Variants in SEC23IP observed in about 807,000 individuals in gnomAD.
The protein encoded by SEC23IP is SEC23-interacting protein.
SEC23IP carries 70 observed loss-of-function variants against 113.4 expected under a neutral mutation model. The ratio of observed to expected loss-of-function variants is 0.62; its 90% confidence interval spans 0.51 to 0.75. The LOEUF is 0.75. Ranked by LOEUF, SEC23IP falls within the 30% of genes least tolerant of loss-of-function variation. The pLI is 0.00. For synonymous variants in SEC23IP, 398 were observed against 421.0 expected (o/e 0.95, Z 0.67); for missense variants, 1,160 against 1,204.9 (o/e 0.96, Z 0.55).
intron 18 of SEC23IP, among the ~76,000 whole-genome samples, chr10:119,936,718 G>T (rs1420023432): frequency 6.6e-6 from 1 of 151,926 alleles, no homozygotes; most frequent in Non-Finnish European, 1.5e-5. Flanking sequence ...TTGATAGCCA[G>T]AAATAGTTAT....
intron 8 of SEC23IP, 135 bp from the exon 9 acceptor site, chr10:119,917,701 C>A (rs539588031): frequency 2.4e-3 from 1,522 of 643,238 alleles, no homozygotes; most frequent in Non-Finnish European, 3.2e-3. Flanking sequence ...TTTATAATGA[C>A]TATCTACAGA....
At chr10:119,906,179 G>A (rs1469090494) in intron 4 of SEC23IP, among the ~76,000 whole-genome samples, 2 of 151,542 alleles carry the variant, frequency 1.3e-5, no homozygotes, top group South Asian at 4.2e-4. Flanking sequence ...CTACTCAGGA[G>A]GCAGAGGCAG....
intron 1 of SEC23IP, chr10:119,898,106 A>G (rs1331891572): frequency 5.5e-6 from 1 of 180,308 alleles, no homozygotes; most frequent in Non-Finnish European, 1.1e-5. Context: ...ATAAATAACT[A>G]TTTGTATTTA....
At chr10:119,900,045 CT>C (rs1189380326) in intron 2 of SEC23IP, among the ~76,000 whole-genome samples, 2 of 151,790 alleles carry the variant, frequency 1.3e-5, no homozygotes, top group African/African-American at 4.8e-5. Context: ...CTCCCTTCCC[CT>C]CATCGTTTTT....
In SEC23IP at chr10:119,898,603, C is replaced by A; in HGVS notation, c.340C>A (p.Pro114Thr). Residue 114 changes from proline to threonine, a missense_variant, in exon 2 of 19, where the codon CCC (proline) becomes ACC (threonine). Physicochemically the swap from Pro to Thr is conservative, Grantham distance 38. Transcript: ENST00000369075. ...AATSVGQSGF[P>T]KPLTALPFTT... ...AACCTCAGTTGGACAATCAGGATTCCCCAAGCCCCTGACTGCTCTCCCTTT... is the reference window on the plus strand; with the variant it reads ...AACCTCAGTTGGACAATCAGGATTCACCAAGCCCCTGACTGCTCTCCCTTT... 1 of 1,614,162 alleles carries A rather than the reference C, an allele frequency of 6.2e-7. No homozygotes were observed. The highest frequency in any genetic ancestry group is 1.1e-5 in the South Asian group (1 of 91,080).
intron 13 of SEC23IP, among the ~76,000 whole-genome samples, chr10:119,926,950 A>C (rs1855443186): frequency 6.6e-6 from 1 of 152,110 alleles, no homozygotes; most frequent in African/African-American, 2.4e-5. Flanking sequence ...GCAGTGATGC[A>C]ATCATAGCCC....
At position 119,943,418 on chromosome 10, in the gene SEC23IP, C is replaced by G. The variant is rs1326661548; in HGVS notation, c.*2853C>G. The stretch of plus-strand genomic sequence containing the variant: ...TATAATACTCCTCAGGGGGTTAACC[C>G]CATCTCTACTAAAAATAAAAAAAAT... On this transcript the variant is annotated 3_prime_UTR_variant, in exon 19 of 19. Transcript: ENST00000369075. 6.6e-6 allele frequency: 1 copy of G among 152,086 alleles called. No homozygotes were observed. Among genetic ancestry groups the G allele is most frequent in the African/African-American group, 2.4e-5 (1 of 41,398 alleles). 9.4% of individuals were successfully genotyped at this position (152,086 alleles called of 1,614,324 possible).
At position 119,932,209 on chromosome 10, in the gene SEC23IP, G is replaced by T. The variant is rs753178782; in HGVS notation, c.2649G>T (p.Gln883His). Reference sequence around the variant, plus strand: ...TTAGCTCTCTCAAAAGTGCTTGGCAGACATTAAATGAGTTTGCCCGTGCTC... The same window carrying T: ...TTAGCTCTCTCAAAAGTGCTTGGCATACATTAAATGAGTTTGCCCGTGCTC... The part of the protein sequence containing the change: ...GFISSLKSAW[Q>H]TLNEFARAHT... The change falls in exon 16 of 19, where the codon CAG becomes CAT. Residue 883 changes from glutamine to histidine, a missense_variant. Transcript: ENST00000369075. The T allele has an allele frequency of 3.7e-6, 6 of 1,612,288 alleles. No homozygotes were observed. Among genetic ancestry groups the T allele is most frequent in the Non-Finnish European group, 5.1e-6 (6 of 1,178,368 alleles).
At position 119,898,971 on chromosome 10, in the gene SEC23IP, T is replaced by C. The variant is rs1339095110; in HGVS notation, c.696+12T>C. 3 of 1,533,556 alleles carry C rather than the reference T, an allele frequency of 2.0e-6. No homozygotes were observed. The highest frequency in any genetic ancestry group is 1.2e-5 in the South Asian group (1 of 81,872). The allele number at this position is 1,533,556 out of a possible 1,614,324, so 95.0% of individuals were successfully genotyped here. On this transcript the variant is annotated intron_variant, in intron 2 of 18. Transcript: ENST00000369075. ...GATCTTTGCCACCGGTATGGAGACA[T>C]GATTTTGTGTCCTACTTATTCACTC...
In SEC23IP at chr10:119,892,854, C is replaced by G. The variant is rs776505630; in HGVS notation, c.72C>G (p.Phe24Leu). ...STSSSGTNLL[F>L]SSSATEFSFN... ...CCTCATCGGGCACTAACTTACTTTT[C>G]TCCTCCTCGGCCACGGAGTTCAGCT... The change falls in exon 1 of 19, where the codon TTC becomes TTG. Residue 24 changes from phenylalanine to leucine, a missense_variant. Phe to Leu is a conservative substitution (Grantham distance 22). Transcript: ENST00000369075. The G allele has an allele frequency of 1.9e-6, 3 of 1,614,140 alleles. No individual in the cohort carries two copies. The highest frequency in any genetic ancestry group is 2.5e-6 in the Non-Finnish European group (3 of 1,180,004).
intron 4 of SEC23IP, among the ~76,000 whole-genome samples, chr10:119,906,132 A>T (rs1854654955): frequency 6.6e-6 from 1 of 151,798 alleles, no homozygotes; most frequent in Admixed American, 6.6e-5. Flanking sequence ...ACACAAAAAA[A>T]TTAGCTGGGC....
chr10:119,934,808 A>G (rs937991924), intron 18 of SEC23IP, among the ~76,000 whole-genome samples: 18 of 152,198 alleles, frequency 1.2e-4, no homozygotes, highest in African/African-American at 4.1e-4. Context: ...TTTTGGCTCC[A>G]TTTCCAAAAT....
Position 119,943,495 on chromosome 10 carries a change from CAGG to C in SEC23IP, c.*2933_*2935del, listed in dbSNP as rs1318949794. On this transcript the variant is annotated 3_prime_UTR_variant, in exon 19 of 19. Coordinates refer to ENST00000369075, the MANE Select transcript of SEC23IP (RefSeq NM_007190.4). ...TAGTCCCAGCTACAGGAGGCTGAGG[CAGG>C]AGAATTGCTTGAACCCAGGAGGTGG... The C allele has an allele frequency of 6.6e-6, 1 of 152,272 alleles. No homozygotes were observed. The highest frequency in any genetic ancestry group is 1.5e-5 in the Non-Finnish European group (1 of 68,150). 9.4% of individuals were successfully genotyped at this position (152,272 alleles called of 1,614,324 possible).
rs1856011675 is a variant in SEC23IP, at chr10:119,943,574, A to T, written c.*3009A>T. ...CACTGCACTCTAGCCTGAGTGACAG[A>T]GCGAGACTCTGTCTCAAAAAAAAAT... On this transcript the variant is annotated 3_prime_UTR_variant, in exon 19 of 19. Coordinates refer to ENST00000369075, the MANE Select transcript of SEC23IP (RefSeq NM_007190.4). 2 of 152,184 alleles carry T rather than the reference A, an allele frequency of 1.3e-5. No individual in the cohort carries two copies. The highest frequency in any genetic ancestry group is 2.9e-5 in the Non-Finnish European group (2 of 68,044). The allele number at this position is 152,184 out of a possible 1,614,324, so 9.4% of individuals were successfully genotyped here.
intron 9 of SEC23IP, 64 bp downstream of exon 9, chr10:119,918,108 T>A: frequency 7.7e-7 from 1 of 1,296,478 alleles, no homozygotes; most frequent in Non-Finnish European, 1.1e-6. Context: ...GCTTTCAGTG[T>A]AGGTGATATT....
chr10:119,909,039 A>G lies in SEC23IP; in HGVS notation c.1102-2A>G. The stretch of plus-strand genomic sequence containing the variant: ...GAATATATGTTGTTTCCCCCATTAT[A>G]GGCTGAATATAAAAAAGCTGTAACC... On this transcript the variant is annotated splice_acceptor_variant, in intron 4 of 18. Transcript: ENST00000369075. LOFTEE classifies it high-confidence loss of function. 2 of 1,594,908 alleles carry G rather than the reference A, an allele frequency of 1.3e-6. No individual in the cohort carries two copies. The highest frequency in any genetic ancestry group is 1.7e-6 in the Non-Finnish European group (2 of 1,168,378).
At chr10:119,938,615 A>G (rs1194444524) in intron 18 of SEC23IP, among the ~76,000 whole-genome samples, 1 of 152,210 alleles carries the variant, frequency 6.6e-6, no homozygotes, top group East Asian at 1.9e-4. Flanking sequence ...ATCTGGCAGT[A>G]GAAGTTCTCA....
chr10:119,905,925 C>A (rs1047832275), intron 4 of SEC23IP, among the ~76,000 whole-genome samples: 14 of 152,006 alleles, frequency 9.2e-5, no homozygotes, highest in African/African-American at 3.1e-4. Flanking sequence ...GAAAAAAGCC[C>A]AAGAAAAGTA....
chr10:119,932,711 C>T (rs1855647706), intron 16 of SEC23IP, among the ~76,000 whole-genome samples: 1 of 152,280 alleles, frequency 6.6e-6, no homozygotes, highest in African/African-American at 2.4e-5. Flanking sequence ...TGAAGGTCAT[C>T]GTGCTGTGAT....
Sources: gnomAD v4.1 joint callset for allele counts (sites outside exome capture counted in the v4.1 genomes callset) on GRCh38, gnomAD v4.1.1 for gene constraint, MANE v1.5 for transcripts, NCBI Gene and HGNC (gene_info 2026-07-23, HGNC 2026-07-21) for gene names.